The following VPS39 variants were observed in gnomAD, a reference collection of about 807,000 sequenced individuals.
VPS39 encodes VPS39 subunit of HOPS complex, also known as vam6/Vps39-like protein.
In VPS39, 70 loss-of-function variants were observed where a neutral mutation model predicts 121.0. The ratio of observed to expected loss-of-function variants is 0.58; its 90% CI spans 0.48 to 0.71. The LOEUF is 0.71. Among genes scored for constraint, VPS39 ranks in the 30% least tolerant of loss-of-function variants. VPS39 has a pLI of 0.00. For missense variants in VPS39, 818 were observed against 1,051.5 expected (o/e 0.78, Z 3.07); for synonymous variants, 378 against 398.1 (o/e 0.95, Z 0.60).
In VPS39 at chr15:42,166,820, A is replaced by T; in HGVS notation, c.1471T>A (p.Tyr491Asn). The change falls in exon 14 of 25, where the codon TAC becomes AAC. Residue 491 changes from tyrosine to asparagine, a missense_variant. Tyr to Asn is a moderately radical substitution (Grantham distance 143). Coordinates refer to ENST00000318006, the MANE Select transcript of VPS39 (RefSeq NM_015289.5). ...TCATACAGGATGATAAGCTCACTGTACTTGTGAGCCTTCTTTAGCACGTGC... is the reference window on the plus strand; with the variant it reads ...TCATACAGGATGATAAGCTCACTGTTCTTGTGAGCCTTCTTTAGCACGTGC... ...SEHVLKKAHK[Y>N]SELIILYEKK... The T allele has an allele frequency of 2.5e-6, 4 of 1,614,196 alleles. No homozygotes were observed. The highest frequency in any genetic ancestry group is 3.4e-6 in the Non-Finnish European group (4 of 1,180,020).
Position 42,164,431 on chromosome 15 carries a change from T to C in VPS39, c.1953A>G (p.Gln651=). The change falls in exon 19 of 25, where the codon CAA becomes CAG. Residue 651 remains glutamine, a synonymous_variant. Transcript: ENST00000318006. ...EEEGELGEYR[Q]KLLMFLEISS... The stretch of plus-strand genomic sequence containing the variant: ...AAATCTCCAAGAACATGAGGAGCTT[T>C]TGCCGGTATTCTCCCAGCTCACCCT... 5 of 1,614,184 alleles carry C rather than the reference T, an allele frequency of 3.1e-6. No individual in the cohort carries two copies. Among genetic ancestry groups the C allele is most frequent in the Non-Finnish European group, 8.5e-7 (1 of 1,180,010 alleles).
intron 11 of VPS39, 117 bp from the exon 12 acceptor site, chr15:42,169,983 AGACTCTCAGTTC>A: frequency 2.3e-5 from 25 of 1,085,516 alleles, no homozygotes; most frequent in South Asian, 4.7e-5. Context: ...AAAAAAAAAA[AGACTCTCAGTTC>A]ATAAACATTC....
chr15:42,204,291 G>T (rs563812802), intron 1 of VPS39, among the ~76,000 whole-genome samples: 280 of 152,296 alleles, frequency 1.8e-3, no homozygotes, highest in Non-Finnish European at 2.8e-3. Flanking sequence ...ACATTCCTGG[G>T]CCCTGCACAT....
At position 42,184,631 on chromosome 15, in the gene VPS39, G is replaced by C. The variant is rs1020303076; in HGVS notation, c.604C>G (p.Leu202Val). Residue 202 changes from leucine to valine, a missense_variant, in exon 8 of 25, where the codon CTG (leucine) becomes GTG (valine). Coordinates refer to ENST00000318006, the MANE Select transcript of VPS39 (RefSeq NM_015289.5). The part of the protein sequence containing the change: ...GKQLEPLVAP[L>V]ADGKVAVGQD... ...CCCACAGCCACTTTTCCATCTGCCA[G>C]AGGTGCAACTAAGGGCTCCAGCTGT... 1.2e-6 allele frequency: 2 copies of C among 1,614,162 alleles called. No homozygotes were observed. Among genetic ancestry groups the C allele is most frequent in the Admixed American group, 1.7e-5 (1 of 60,020 alleles).
chr15:42,208,196 TTCCGGGCCGGGCTGGGG>T lies in VPS39; in HGVS notation c.-60_-44del. 1.3e-6 allele frequency: 2 copies of T among 1,553,158 alleles called. No individual in the cohort carries two copies. Among genetic ancestry groups the T allele is most frequent in the Non-Finnish European group, 1.7e-6 (2 of 1,148,066 alleles). On this transcript the variant is annotated 5_prime_UTR_variant, in exon 1 of 25. Transcript: ENST00000318006. Reference sequence around the variant, plus strand: ...TGCCACCGCCGTCTCGCCCAGAGTGTTCCGGGCCGGGCTGGGGTCCGGAACGAGTCTGGGCTAAGGGT... The same window carrying T: ...TGCCACCGCCGTCTCGCCCAGAGTGTTCCGGAACGAGTCTGGGCTAAGGGT...
intron 23 of VPS39, 69 bp from the exon 24 acceptor site, chr15:42,161,842 G>A: frequency 6.3e-7 from 1 of 1,586,380 alleles, no homozygotes. Context: ...GCAGAGGCCA[G>A]CAACTGTGTC....
At chr15:42,192,111 A>C in intron 2 of VPS39, 1 of 1,536,310 alleles carries the variant, frequency 6.5e-7, no homozygotes, top group Non-Finnish European at 8.7e-7. Context: ...GTTACAAAAA[A>C]GGGGAAGAAA....
chr15:42,170,031 G>A (rs2049317091), intron 11 of VPS39, among the ~76,000 whole-genome samples, 165 bp from the exon 12 acceptor site: 1 of 151,288 alleles, frequency 6.6e-6, no homozygotes, highest in Non-Finnish European at 1.5e-5. Context: ...TATGATTTGA[G>A]CACTTTTTAT....
At chr15:42,164,310 T>C in intron 19 of VPS39, 48 bp downstream of exon 19, 1 of 1,611,074 alleles carries the variant, frequency 6.2e-7, no homozygotes, top group South Asian at 1.1e-5. Flanking sequence ...GATTAGTCTT[T>C]GCATGACCTT....
chr15:42,196,240 C>T (rs1332507651), intron 2 of VPS39, among the ~76,000 whole-genome samples: 2 of 151,964 alleles, frequency 1.3e-5, no homozygotes, highest in Non-Finnish European at 2.9e-5. Flanking sequence ...CTAGGCAATA[C>T]CATTCAGGAC....
At chr15:42,186,223 G>A (rs899043403) in intron 7 of VPS39, among the ~76,000 whole-genome samples, 1 of 151,916 alleles carries the variant, frequency 6.6e-6, no homozygotes, top group Admixed American at 6.6e-5. Context: ...CTTGAGCCCA[G>A]GAGTTTAAGA....
intron 12 of VPS39, 119 bp from the exon 13 acceptor site, chr15:42,167,656 G>A: frequency 7.4e-7 from 1 of 1,346,258 alleles, no homozygotes. Flanking sequence ...TCTCACATTA[G>A]CATTCGATTT....
intron 7 of VPS39, among the ~76,000 whole-genome samples, chr15:42,185,064 C>G (rs2049671814): frequency 6.6e-6 from 1 of 152,192 alleles, no homozygotes; most frequent in Non-Finnish European, 1.5e-5. Context: ...TTACCATATG[C>G]CCCAGCAATC....
chr15:42,164,223 A>C (rs1459112356), intron 19 of VPS39, 135 bp downstream of exon 19: 7 of 1,338,026 alleles, frequency 5.2e-6, no homozygotes, highest in East Asian at 2.3e-5. Context: ...AGAGGACAAA[A>C]CAGGAGCACT....
intron 13 of VPS39, 150 bp from the exon 14 acceptor site, chr15:42,167,063 T>C: frequency 6.2e-6 from 7 of 1,132,752 alleles, no homozygotes; most frequent in Non-Finnish European, 8.7e-6. Context: ...GTAGAGGCTT[T>C]TAGAGCATTT....
intron 2 of VPS39, among the ~76,000 whole-genome samples, chr15:42,197,716 C>T (rs1280478865): frequency 6.6e-6 from 1 of 152,182 alleles, no homozygotes; most frequent in Non-Finnish European, 1.5e-5. Context: ...AGGGAAATGA[C>T]TCAGATCAGA....
chr15:42,169,969 TAA>T (rs200898817), intron 11 of VPS39, 103 bp from the exon 12 acceptor site: 12,166 of 928,144 alleles, frequency 0.013, no homozygotes, highest in South Asian at 0.031. Flanking sequence ...CAGACTGATT[TAA>T]AAAAAAAAAA....
chr15:42,191,449 T>C, intron 3 of VPS39, 47 bp downstream of exon 3: 1 of 1,561,150 alleles, frequency 6.4e-7, no homozygotes, highest in Non-Finnish European at 8.8e-7. Flanking sequence ...TCTGACAGGG[T>C]CTCATGTAAG....
At chr15:42,188,973 A>G in intron 5 of VPS39, 141 bp downstream of exon 5, 1 of 617,156 alleles carries the variant, frequency 1.6e-6, no homozygotes, top group African/African-American at 1.9e-5. Flanking sequence ...CTCAGGAAAA[A>G]AATAAATAAA....
Sources: gnomAD v4.1 joint callset for allele counts (sites outside exome capture counted in the v4.1 genomes callset) on GRCh38, gnomAD v4.1.1 for gene constraint, MANE v1.5 for transcripts, NCBI Gene and HGNC (gene_info 2026-07-23, HGNC 2026-07-21) for gene names.